KIAA0232: variants seen among roughly 807,000 people sequenced by gnomAD.
KIAA0232 encodes uncharacterized protein KIAA0232.
KIAA0232 carries 27 observed loss-of-function variants against 122.0 expected under a neutral mutation model. The ratio of observed to expected loss-of-function variants is 0.22; its 90% CI spans 0.16 to 0.31. The LOEUF (loss-of-function observed/expected upper bound fraction) is 0.31, where lower values mean the gene tolerates loss of function less well. Among genes scored for constraint, KIAA0232 ranks in the 10% least tolerant of loss-of-function variants. The pLI, the probability that KIAA0232 is intolerant of heterozygous loss-of-function variation, is 1.00. For synonymous variants in KIAA0232, 613 were observed against 587.6 expected (o/e 1.04, Z -0.63); for missense variants, 1,551 against 1,634.2 (o/e 0.95, Z 0.88).
chr4:6,821,515 T>C (rs983922495), intron 2 of KIAA0232, among the ~76,000 whole-genome samples: 9 of 152,152 alleles, frequency 5.9e-5, no homozygotes, highest in African/African-American at 1.9e-4. Flanking sequence ...AGAATAATGG[T>C]CTCTGGTTCC....
chr4:6,836,043 C>T (rs1353298553), intron 3 of KIAA0232, among the ~76,000 whole-genome samples: 1 of 152,240 alleles, frequency 6.6e-6, no homozygotes. Flanking sequence ...GGGATCGCCA[C>T]ACTGTCTTCC....
At chr4:6,786,607 C>T (rs1272902214) in intron 1 of KIAA0232, among the ~76,000 whole-genome samples, 5 of 152,130 alleles carry the variant, frequency 3.3e-5, no homozygotes, top group Non-Finnish European at 7.3e-5. Context: ...CGCACAAGAC[C>T]CAGATGAAGT....
chr4:6,861,965 A>G lies in KIAA0232; in HGVS notation c.1583A>G (p.Gln528Arg), dbSNP rs1174699742. 6.2e-7 allele frequency: 1 copy of G among 1,614,042 alleles called. No individual in the cohort carries two copies. The highest frequency in any genetic ancestry group is 1.3e-5 in the African/African-American group (1 of 74,940). ...MLDPGASETM[Q>R]GESRILNMIR... The stretch of plus-strand genomic sequence containing the variant: ...GATCCTGGTGCCTCAGAAACAATGC[A>G]AGGAGAAAGTCGGATTTTGAATATG... The change falls in exon 7 of 10, where the codon CAA (glutamine) becomes CGA (arginine). Residue 528 changes from glutamine to arginine, a missense_variant. Physicochemically the swap from Gln to Arg is conservative, Grantham distance 43. Coordinates refer to ENST00000307659, the MANE Select transcript of KIAA0232 (RefSeq NM_014743.3).
chr4:6,791,107 A>T (rs1351992580), intron 1 of KIAA0232, among the ~76,000 whole-genome samples: 3 of 150,162 alleles, frequency 2.0e-5, no homozygotes, highest in Admixed American at 2.0e-4. Context: ...TTTAGTAGAG[A>T]TGGGGTTTTG....
In KIAA0232 at chr4:6,858,631, T is replaced by G. The variant is rs1720688247; in HGVS notation, c.518+125T>G. The G allele has an allele frequency of 9.6e-6, 6 of 623,236 alleles. No individual in the cohort carries two copies. The South Asian group carries it at 1.4e-4, about 14-fold the overall frequency. The allele number at this position is 623,236 out of a possible 1,614,324, so 38.6% of individuals were successfully genotyped here. A position where few individuals can be genotyped will look rare whatever the true frequency, so the allele number is the denominator to read the frequency against. On this transcript the variant is annotated intron_variant, in intron 6 of 9. Transcript: ENST00000307659. The stretch of plus-strand genomic sequence containing the variant: ...TCATTATATATAATGTAAGAAACAT[T>G]TATCGAGCGCTTATATGCTTGACAC...
chr4:6,862,661 A>T lies in KIAA0232; in HGVS notation c.2279A>T (p.Asp760Val). Residue 760 changes from aspartate (D) to valine (V), a missense_variant, in exon 7 of 10, where the codon GAT becomes GTT. Physicochemically the swap from Asp to Val is radical, Grantham distance 152. This residue lies in a region of KIAA0232 where 1,108 missense variants were observed against 1,154.8 expected (regional missense o/e 0.96). Coordinates refer to ENST00000307659, the MANE Select transcript of KIAA0232 (RefSeq NM_014743.3). ...SSNYVDEELL[D>V]FLQDETCQQN... ...AATTATGTAGATGAAGAACTTCTAG[A>T]TTTTTTGCAAGATGAAACTTGCCAG... 1 of 1,611,550 alleles carries T rather than the reference A, an allele frequency of 6.2e-7. No homozygotes were observed.
chr4:6,844,691 C>T (rs1577392793), intron 4 of KIAA0232, among the ~76,000 whole-genome samples: 1 of 152,196 alleles, frequency 6.6e-6, no homozygotes, highest in African/African-American at 2.4e-5. Flanking sequence ...CTGCTTCCAC[C>T]TCCTGAAGTG....
intron 2 of KIAA0232, among the ~76,000 whole-genome samples, chr4:6,818,722 AC>A (rs1314345616): frequency 5.9e-5 from 9 of 152,046 alleles, no homozygotes; most frequent in Non-Finnish European, 1.2e-4. Context: ...AAAAAAAAAA[AC>A]TATTACAAAA....
chr4:6,883,947 C>T lies in KIAA0232; in HGVS notation c.*2981C>T, dbSNP rs549560061. The stretch of plus-strand genomic sequence containing the variant: ...ATAACATCAGAAATAGGTTTTTACT[C>T]AGATGTCTTCATGTCGGTAATTATA... On this transcript the variant is annotated 3_prime_UTR_variant, in exon 10 of 10. Coordinates refer to ENST00000307659, the MANE Select transcript of KIAA0232 (RefSeq NM_014743.3). 4 of 152,210 alleles carry T rather than the reference C, an allele frequency of 2.6e-5. No homozygotes were observed. The highest frequency in any genetic ancestry group is 3.9e-4 in the East Asian group (2 of 5,184). 9.4% of individuals were successfully genotyped at this position (152,210 alleles called of 1,614,324 possible).
chr4:6,878,330 G>A (rs181016960), intron 9 of KIAA0232, among the ~76,000 whole-genome samples: 13 of 152,186 alleles, frequency 8.5e-5, no homozygotes, highest in African/African-American at 4.8e-5. Context: ...AGCTGAGATC[G>A]CACCACTGCA....
chr4:6,811,307 G>A (rs1333161318), intron 2 of KIAA0232, among the ~76,000 whole-genome samples: 1 of 152,140 alleles, frequency 6.6e-6, no homozygotes, highest in Admixed American at 6.5e-5. Context: ...TGTCTTTTGC[G>A]GCAACGTTGG....
intron 7 of KIAA0232, 38 bp downstream of exon 7, chr4:6,864,221 G>C: frequency 6.4e-7 from 1 of 1,556,230 alleles, no homozygotes; most frequent in South Asian, 1.2e-5. Context: ...AAAAGGATTT[G>C]ATCAGAGTTT....
chr4:6,863,271 T>C lies in KIAA0232; in HGVS notation c.2889T>C (p.Ala963=). The stretch of plus-strand genomic sequence containing the variant: ...AAGGAAGTCTGTTACAGTGTGCAGC[T>C]TCTGATGTTGTGACGATAGCTGGTA... ...HTKGSLLQCA[A]SDVVTIAGTD... is the part of the protein sequence containing the mutation. The change falls in exon 7 of 10, where the codon GCT becomes GCC. Residue 963 remains alanine (A), a synonymous_variant. Coordinates refer to ENST00000307659, the MANE Select transcript of KIAA0232 (RefSeq NM_014743.3). 5 of 1,614,174 alleles carry C rather than the reference T, an allele frequency of 3.1e-6. No homozygotes were observed. Among genetic ancestry groups the C allele is most frequent in the Non-Finnish European group, 1.7e-6 (2 of 1,180,042 alleles).
chr4:6,807,835 AGG>A (rs1222317276), intron 2 of KIAA0232, among the ~76,000 whole-genome samples: 1 of 152,220 alleles, frequency 6.6e-6, no homozygotes, highest in Non-Finnish European at 1.5e-5. Context: ...GCACTTTGGG[AGG>A]CCAAGGCAAG....
At position 6,824,284 on chromosome 4, in the gene KIAA0232, C is replaced by G. The variant is rs1452229844; in HGVS notation, c.-170C>G. The G allele has an allele frequency of 1.6e-6, 1 of 629,432 alleles. No homozygotes were observed. The highest frequency in any genetic ancestry group is 1.8e-5 in the African/African-American group (1 of 54,724). The allele number at this position is 629,432 out of a possible 1,614,324, so 39.0% of individuals were successfully genotyped here. ...CAGGATGTTGATTCATTAGTCATGC[C>G]TGAAGAGGGAAAGTCTGTTTTAGGT... On this transcript the variant is annotated 5_prime_UTR_variant, in exon 3 of 10. Coordinates refer to ENST00000307659, the MANE Select transcript of KIAA0232 (RefSeq NM_014743.3).
At chr4:6,869,824 T>G in intron 7 of KIAA0232, among the ~76,000 whole-genome samples, 1 of 152,252 alleles carries the variant, frequency 6.6e-6, no homozygotes, top group East Asian at 1.9e-4. Context: ...CAAAATCCTG[T>G]TAGGAAACTG....
intron 3 of KIAA0232, among the ~76,000 whole-genome samples, chr4:6,836,177 G>T (rs934835057): frequency 6.6e-6 from 1 of 152,156 alleles, no homozygotes; most frequent in Non-Finnish European, 1.5e-5. Context: ...GGTGTGAGAT[G>T]GTATCTCATT....
intron 1 of KIAA0232, among the ~76,000 whole-genome samples, chr4:6,794,441 A>G (rs1187323761): frequency 6.6e-6 from 1 of 152,200 alleles, no homozygotes; most frequent in Non-Finnish European, 1.5e-5. Flanking sequence ...GCACCTTCAT[A>G]GTGGCTGCAC....
At chr4:6,804,083 G>T (rs1386849837) in intron 1 of KIAA0232, among the ~76,000 whole-genome samples, 1 of 152,090 alleles carries the variant, frequency 6.6e-6, no homozygotes, top group Non-Finnish European at 1.5e-5. Context: ...TATTTATTTG[G>T]GGAGAGTTCC....
Sources: gnomAD v4.1 joint callset for allele counts (sites outside exome capture counted in the v4.1 genomes callset) on GRCh38, gnomAD v4.1.1 for gene constraint, gnomAD v4.1.1 regional missense constraint, MANE v1.5 for transcripts, NCBI Gene and HGNC (gene_info 2026-07-23, HGNC 2026-07-21) for gene names.